EIF3B: variants seen among roughly 807,000 people sequenced by gnomAD.
EIF3B encodes the protein eukaryotic translation initiation factor 3 subunit 9.
In EIF3B, 10 loss-of-function variants were observed where a neutral mutation model predicts 104.6. The observed-to-expected ratio is 0.10, with a 90% CI of 0.06 to 0.16. The LOEUF is 0.16. Among genes scored for constraint, EIF3B ranks in the 10% least tolerant of loss-of-function variants. EIF3B has a pLI of 1.00. For missense variants in EIF3B, 1,014 were observed against 1,087.9 expected, an observed-to-expected ratio of 0.93 and a Z score of 0.96; for synonymous variants, 542 against 417.2, an observed-to-expected ratio of 1.30 and a Z score of -3.65.
Position 2,369,538 on chromosome 7 carries a change from A to T in EIF3B, c.1470A>T (p.Pro490=), listed in dbSNP as rs760256232. 1.8e-5 allele frequency: 29 copies of T among 1,614,084 alleles called. No individual in the cohort carries two copies. In the Admixed American group the frequency reaches 4.8e-4, roughly 27 times the overall value. ...GGGTGCCTGAAGACAAAGATATTCC[A>T]GCCAGGGTAACCCTGATGCAGCTCC... ...AFWVPEDKDI[P]ARVTLMQLPT... is the part of the protein sequence containing the mutation. The change falls in exon 10 of 19, where the codon CCA becomes CCT. Residue 490 remains proline (P), a synonymous_variant. Transcript: ENST00000360876.
intron 8 of EIF3B, 148 bp downstream of exon 8, chr7:2,366,739 C>T (rs1475349686): frequency 4.3e-6 from 4 of 934,262 alleles, no homozygotes; most frequent in Non-Finnish European, 6.5e-6. Context: ...TTAACTGCCC[C>T]TGCTCTGGGC....
chr7:2,366,948 G>C, intron 8 of EIF3B, 51 bp from the exon 9 acceptor site: 1 of 1,574,520 alleles, frequency 6.4e-7, no homozygotes, highest in Non-Finnish European at 8.7e-7. Flanking sequence ...GTGTGTTTCT[G>C]AGACACTGAC....
intron 11 of EIF3B, chr7:2,372,178 C>A: frequency 3.2e-6 from 1 of 313,148 alleles, no homozygotes. Flanking sequence ...TGCACTCCAG[C>A]CTGGGTGACG....
chr7:2,364,740 A>G (rs1430160064), intron 6 of EIF3B, among the ~76,000 whole-genome samples: 2 of 152,230 alleles, frequency 1.3e-5, no homozygotes, highest in East Asian at 1.9e-4. Context: ...GCCATTTGGG[A>G]GTGAGTTGAA....
chr7:2,374,183 G>T (rs1780513342), intron 12 of EIF3B: 1 of 206,674 alleles, frequency 4.8e-6, no homozygotes, highest in Non-Finnish European at 9.9e-6. Flanking sequence ...TAGGAGAGTG[G>T]CTTTGGTCTT....
intron 14 of EIF3B, 106 bp from the exon 15 acceptor site, chr7:2,376,844 C>T (rs1780657304): frequency 2.7e-6 from 4 of 1,492,728 alleles, no homozygotes; most frequent in Non-Finnish European, 3.6e-6. Context: ...GCTTTGTTTG[C>T]TTCACACGTG....
In EIF3B at chr7:2,360,698, T is replaced by G. The variant is rs751757342; in HGVS notation, c.500-12T>G. Reference sequence around the variant, plus strand: ...GGTAAAAATGATCATTTGAAAAATCTCTCTTGTTCAGAATTACTGGGAGAT... The same window carrying G: ...GGTAAAAATGATCATTTGAAAAATCGCTCTTGTTCAGAATTACTGGGAGAT... On this transcript the variant is annotated splice_polypyrimidine_tract_variant and intron_variant, in intron 1 of 18. Coordinates refer to ENST00000360876, the MANE Select transcript of EIF3B (RefSeq NM_001037283.2). The G allele has an allele frequency of 1.9e-6, 3 of 1,563,700 alleles. No homozygotes were observed. The highest frequency in any genetic ancestry group is 2.3e-5 in the South Asian group (2 of 86,170).
intron 10 of EIF3B, among the ~76,000 whole-genome samples, chr7:2,370,608 C>G (rs1172638901): frequency 2.0e-5 from 3 of 152,110 alleles, no homozygotes; most frequent in Non-Finnish European, 4.4e-5. Context: ...TGAACTGGTT[C>G]AGTGGTTTTT....
At chr7:2,368,806 A>G (rs978857328) in intron 9 of EIF3B, among the ~76,000 whole-genome samples, 3 of 152,270 alleles carry the variant, frequency 2.0e-5, no homozygotes, top group African/African-American at 7.2e-5. Context: ...ACTGGTCAGT[A>G]TCACGGCAGT....
chr7:2,362,798 T>C (rs373465954), intron 3 of EIF3B, 34 bp downstream of exon 3: 1 of 1,613,348 alleles, frequency 6.2e-7, no homozygotes, highest in African/African-American at 1.3e-5. Flanking sequence ...GAAGTGGACG[T>C]TGACGTGCAA....
chr7:2,370,079 G>C (rs6946503), intron 10 of EIF3B, among the ~76,000 whole-genome samples: 2 of 152,064 alleles, frequency 1.3e-5, no homozygotes, highest in African/African-American at 4.8e-5. Context: ...GCCTGGCTGA[G>C]AATATTATTT....
rs1460807505 is a variant in EIF3B at position 2,363,082 on chromosome 7, C to T, written c.825C>T (p.Ile275=). The T allele has an allele frequency of 2.5e-6, 4 of 1,613,954 alleles. No individual in the cohort carries two copies. In the African/African-American group the frequency reaches 5.3e-5, roughly 22 times the overall value. The change falls in exon 4 of 19, where the codon ATC becomes ATT. Residue 275 remains isoleucine, a synonymous_variant. Transcript: ENST00000360876. ...LFTDFDKYMT[I]SDEWDIPEKQ... is the part of the protein sequence containing the mutation. ...CTTTCTTCTCCAGGTATATGACGATCAGTGACGAGTGGGATATTCCAGAGA... is the reference window on the plus strand; with the variant it reads ...CTTTCTTCTCCAGGTATATGACGATTAGTGACGAGTGGGATATTCCAGAGA...
In EIF3B at chr7:2,380,507, A is replaced by C. The variant is rs1291196970; in HGVS notation, c.*318A>C. On this transcript the variant is annotated 3_prime_UTR_variant, in exon 19 of 19. Transcript: ENST00000360876. The stretch of plus-strand genomic sequence containing the variant: ...TTGGAACCGCCGGCGTTGGCTCCGA[A>C]GACTTAGCGACGCCACTGGCGGCAC... The C allele has an allele frequency of 2.2e-6, 1 of 460,048 alleles. No individual in the cohort carries two copies. Among genetic ancestry groups the C allele is most frequent in the Non-Finnish European group, 4.3e-6 (1 of 230,584 alleles). 28.5% of individuals were successfully genotyped at this position (460,048 alleles called of 1,614,324 possible).
chr7:2,374,256 A>C (rs1380411961), intron 12 of EIF3B: 1 of 347,854 alleles, frequency 2.9e-6, no homozygotes, highest in Non-Finnish European at 5.4e-6. Context: ...CATTTGCTGT[A>C]AAGGGAATTC....
At chr7:2,375,368 C>A in intron 13 of EIF3B, 21 bp from the exon 14 acceptor site, 1 of 1,613,410 alleles carries the variant, frequency 6.2e-7, no homozygotes, top group Non-Finnish European at 8.5e-7. Context: ...TGAAGCCTGA[C>A]GGTCCTGTCT....
In EIF3B at chr7:2,366,520, C is replaced by T. The variant is rs1368926048; in HGVS notation, c.1290-5C>T. 2 of 1,614,128 alleles carry T rather than the reference C, an allele frequency of 1.2e-6. No individual in the cohort carries two copies. The highest frequency in any genetic ancestry group is 1.3e-5 in the African/African-American group (1 of 75,034). On this transcript the variant is annotated splice_polypyrimidine_tract_variant and splice_region_variant and intron_variant, in intron 7 of 18. Coordinates refer to ENST00000360876, the MANE Select transcript of EIF3B (RefSeq NM_001037283.2). ...GGAATACCCTGGCACTTTTGTTTTTCTTAGGTGGAGCCATGATGGCAAATT... is the reference window on the plus strand; with the variant it reads ...GGAATACCCTGGCACTTTTGTTTTTTTTAGGTGGAGCCATGATGGCAAATT...
intron 9 of EIF3B, 22 bp from the exon 10 acceptor site, chr7:2,369,450 A>G (rs1780203713): frequency 6.2e-7 from 1 of 1,612,540 alleles, no homozygotes; most frequent in African/African-American, 1.3e-5. Flanking sequence ...TTGCTTTAAC[A>G]TTTTATTTTC....
Position 2,379,225 on chromosome 7 carries a change from G to C in EIF3B, c.2324G>C (p.Arg775Pro). The C allele has an allele frequency of 6.2e-7, 1 of 1,612,490 alleles. No individual in the cohort carries two copies. Among genetic ancestry groups the C allele is most frequent in the Non-Finnish European group, 8.5e-7 (1 of 1,179,270 alleles). The change falls in exon 17 of 19, where the codon CGC becomes CCC. Residue 775 changes from arginine (R) to proline (P), a missense_variant. Coordinates refer to ENST00000360876, the MANE Select transcript of EIF3B (RefSeq NM_001037283.2). ...CTCTATATGGAGCAGAAAAACGAGC[G>C]CCTGGAGTTGCGAGGAGGTAACTTA... ...QELYMEQKNE[R>P]LELRGGVDTD...
chr7:2,378,562 G>C (rs1053985455), intron 15 of EIF3B, 127 bp from the exon 16 acceptor site: 9 of 746,808 alleles, frequency 1.2e-5, no homozygotes, highest in Non-Finnish European at 2.0e-5. Flanking sequence ...AGGAGCATGC[G>C]AGCGCTCCTG....
Sources: gnomAD v4.1 joint callset for allele counts (sites outside exome capture counted in the v4.1 genomes callset) on GRCh38, gnomAD v4.1.1 for gene constraint, MANE v1.5 for transcripts, NCBI Gene and HGNC (gene_info 2026-07-23, HGNC 2026-07-21) for gene names.